Variants in ELL2 observed in about 807,000 individuals in gnomAD.
ELL2 encodes the protein elongation factor for RNA polymerase II 2.
A neutral mutation model predicts 72.8 loss-of-function variants in ELL2; 21 were observed. That is an observed-to-expected ratio of 0.29 (90% CI 0.20 to 0.42). The LOEUF is 0.42. Among genes scored for constraint, ELL2 ranks in the 10% least tolerant of loss-of-function variants. The probability of loss-of-function intolerance (pLI) is 1.00; values close to 1 mark genes in which losing one functional copy is unlikely to be tolerated. For missense variants in ELL2, 568 were observed against 772.8 expected, an observed-to-expected ratio of 0.73 and a Z score of 3.14; for synonymous variants, 266 against 283.2, an observed-to-expected ratio of 0.94 and a Z score of 0.61.
chr5:95,940,262 G>C lies in ELL2; in HGVS notation c.195+2740C>G, dbSNP rs181822804. On this transcript the variant is annotated intron_variant, in intron 2 of 11. Transcript: ENST00000237853. Reference sequence around the variant, plus strand: ...CCCAACTGTGATAATAAAAATCCAGGTAATCAATGACTTTCAGAATTTCTA... The same window carrying C: ...CCCAACTGTGATAATAAAAATCCAGCTAATCAATGACTTTCAGAATTTCTA... Among the ~76,000 whole-genome samples, 25 of 152,242 alleles carry C rather than the reference G, an allele frequency of 1.6e-4. 1 individual carries two copies. Among genetic ancestry groups the C allele is most frequent in the Admixed American group, 1.2e-3 (19 of 15,292 alleles).
Position 95,911,593 on chromosome 5 carries a change from G to A in ELL2, c.481+2178C>T, listed in dbSNP as rs147503787. Among the ~76,000 whole-genome samples, 1,384 of 152,288 alleles carry A rather than the reference G, an allele frequency of 9.1e-3. 18 individuals are homozygous for A. The highest frequency in any genetic ancestry group is 0.032 in the African/African-American group (1,333 of 41,556). The stretch of plus-strand genomic sequence containing the variant: ...GATCTCTTGACCTCGTGATCTGCCC[G>A]CCTCGGCCTCCCAAAGTGCTAAGAT... On this transcript the variant is annotated intron_variant, in intron 4 of 11. Coordinates refer to ENST00000237853, the MANE Select transcript of ELL2 (RefSeq NM_012081.6).
intron 1 of ELL2, among the ~76,000 whole-genome samples, chr5:95,960,173 T>C (rs1296898607): frequency 1.3e-5 from 2 of 152,024 alleles, no homozygotes; most frequent in Admixed American, 1.3e-4. Flanking sequence ...CTTCTGCCCC[T>C]CTGTCTGTTG....
intron 1 of ELL2, among the ~76,000 whole-genome samples, chr5:95,956,937 T>C (rs1355439721): frequency 1.3e-5 from 2 of 152,172 alleles, no homozygotes; most frequent in East Asian, 1.9e-4. Context: ...GGCAGAAAAA[T>C]GTATTTCAAT....
At chr5:95,947,991 A>G (rs1751230656) in intron 1 of ELL2, among the ~76,000 whole-genome samples, 1 of 152,202 alleles carries the variant, frequency 6.6e-6, no homozygotes, top group Non-Finnish European at 1.5e-5. Flanking sequence ...TTATCCAAAC[A>G]GGGCAAACTA....
chr5:95,937,001 A>G (rs186272429), intron 2 of ELL2, among the ~76,000 whole-genome samples: 108 of 152,344 alleles, frequency 7.1e-4, no homozygotes, highest in African/African-American at 2.5e-3. Flanking sequence ...CCTGGTACAC[A>G]TCGCGCACTG....
Position 95,961,735 on chromosome 5 carries a change from G to A in ELL2, c.-14C>T, listed in dbSNP as rs1751870847. The A allele has an allele frequency of 6.3e-7, 1 of 1,590,786 alleles. No individual in the cohort carries two copies. On this transcript the variant is annotated 5_prime_UTR_variant, in exon 1 of 12. Coordinates refer to ENST00000237853, the MANE Select transcript of ELL2 (RefSeq NM_012081.6). ...CCCCGCCGCCATCTTAAACTCCCCGGGGTGCCGCCGCCGCCGCCGCTCCGG... is the reference window on the plus strand; with the variant it reads ...CCCCGCCGCCATCTTAAACTCCCCGAGGTGCCGCCGCCGCCGCCGCTCCGG...
rs549529987 is a variant in ELL2, at chr5:95,931,783, A to C, written c.195+11219T>G. On this transcript the variant is annotated intron_variant, in intron 2 of 11. Transcript: ENST00000237853. Reference sequence around the variant, plus strand: ...GAAGGGTAGCAAACACTGCTTCCCAAGTGCCCTATCCATAAAAAAAAAAAA... The same window carrying C: ...GAAGGGTAGCAAACACTGCTTCCCACGTGCCCTATCCATAAAAAAAAAAAA... 2.4e-5 allele frequency among the ~76,000 whole-genome samples: 3 copies of C among 123,290 alleles called. No homozygotes were observed. In the South Asian group the frequency reaches 8.2e-4, roughly 34 times the overall value. 80.9% of individuals were successfully genotyped at this position (123,290 alleles called of 152,430 possible).
chr5:95,918,577 A>G (rs1157667367), intron 3 of ELL2, among the ~76,000 whole-genome samples: 1 of 152,202 alleles, frequency 6.6e-6, no homozygotes, highest in Admixed American at 6.5e-5. Context: ...TTTCCCCCAC[A>G]TTGAGCAAGT....
intron 10 of ELL2, among the ~76,000 whole-genome samples, chr5:95,889,745 C>T (rs181653323): frequency 1.0e-3 from 152 of 152,216 alleles, no homozygotes; most frequent in Non-Finnish European, 1.4e-3. Context: ...CAATTAAATA[C>T]GGTATATATG....
chr5:95,950,933 TATATATATATATATATATATAA>T (rs1561515432), intron 1 of ELL2, among the ~76,000 whole-genome samples: 3 of 123,838 alleles, frequency 2.4e-5, no homozygotes, highest in African/African-American at 9.6e-5. Flanking sequence ...TATATATATA[TATATATATATATATATATATAA>T]AATCTTCATA....
At chr5:95,897,009 TA>T (rs1242259543) in intron 8 of ELL2, among the ~76,000 whole-genome samples, 4 of 152,170 alleles carry the variant, frequency 2.6e-5, no homozygotes, top group Non-Finnish European at 5.9e-5. Flanking sequence ...CAAATTCAAC[TA>T]TAAGAGTGTT....
chr5:95,898,288 C>G lies in ELL2; in HGVS notation c.1477G>C (p.Glu493Gln), dbSNP rs1174605321. The G allele has an allele frequency of 1.2e-6, 2 of 1,610,044 alleles. No homozygotes were observed. Among genetic ancestry groups the G allele is most frequent in the Non-Finnish European group, 8.5e-7 (1 of 1,179,018 alleles). Residue 493 changes from glutamate to glutamine, a missense_variant, in exon 8 of 12, where the codon GAA (glutamate) becomes CAA (glutamine). Transcript: ENST00000237853. ...IEEKEEDLKREEEIAKLNNSS... is the reference protein window; with the variant it reads ...IEEKEEDLKRQEEIAKLNNSS... ...TTATTTAGCTTGGCAATTTCCTCTT[C>G]TCTCTTAAGATCTTCCTCCTTTTCC...
chr5:95,913,630 T>C (rs1488847705), intron 4 of ELL2, 141 bp downstream of exon 4: 2 of 912,044 alleles, frequency 2.2e-6, no homozygotes, highest in East Asian at 5.7e-5. Flanking sequence ...CAAATAACTT[T>C]GTTTTTCTCA....
intron 2 of ELL2, among the ~76,000 whole-genome samples, chr5:95,927,413 G>A (rs557941423): frequency 0.031 from 992 of 31,620 alleles, 119 homozygotes; most frequent in African/African-American, 0.064. Flanking sequence ...ACACACGTGT[G>A]TATATAGACA....
intron 1 of ELL2, among the ~76,000 whole-genome samples, chr5:95,944,949 T>G (rs1000359172): frequency 6.6e-6 from 1 of 152,166 alleles, no homozygotes; most frequent in Non-Finnish European, 1.5e-5. Context: ...CCACTGGATA[T>G]CCATCAGTCC....
chr5:95,924,490 T>C (rs1229750556), intron 2 of ELL2, among the ~76,000 whole-genome samples: 1 of 152,224 alleles, frequency 6.6e-6, no homozygotes, highest in African/African-American at 2.4e-5. Context: ...TACAGGTCAG[T>C]TGGGAATAAT....
intron 10 of ELL2, among the ~76,000 whole-genome samples, chr5:95,889,675 T>C (rs1253409920): frequency 6.6e-6 from 1 of 152,192 alleles, no homozygotes; most frequent in Non-Finnish European, 1.5e-5. Context: ...TAATGTATCA[T>C]AATTTAAGTT....
chr5:95,939,378 T>G (rs542275165), intron 2 of ELL2, among the ~76,000 whole-genome samples: 13 of 152,294 alleles, frequency 8.5e-5, no homozygotes, highest in African/African-American at 3.1e-4. Flanking sequence ...CTGCATCTTT[T>G]CACACAAAGT....
intron 8 of ELL2, among the ~76,000 whole-genome samples, chr5:95,897,121 G>T (rs1748904903): frequency 1.3e-5 from 2 of 152,186 alleles, no homozygotes; most frequent in African/African-American, 4.8e-5. Context: ...ATCCAATCTA[G>T]ATCAAGAAAA....
Sources: allele counts gnomAD v4.1 joint callset (sites outside exome capture counted in the v4.1 genomes callset), GRCh38; gene constraint gnomAD v4.1.1; transcripts MANE v1.5; gene names NCBI Gene and HGNC (gene_info 2026-07-23, HGNC 2026-07-21).